Variants in DPP10 observed in about 807,000 individuals in gnomAD.
The protein encoded by DPP10 is dipeptidyl peptidase like 10.
A neutral mutation model predicts 120.9 loss-of-function variants in DPP10; 33 were observed. The ratio of observed to expected loss-of-function variants is 0.27; its 90% confidence interval spans 0.21 to 0.37. The LOEUF (loss-of-function observed/expected upper bound fraction) is 0.37. Ranked by LOEUF, DPP10 falls within the 10% of genes least tolerant of loss-of-function variation. The pLI is 1.00. For missense variants in DPP10, 816 were observed against 942.8 expected (o/e 0.87, Z 1.76); for synonymous variants, 337 against 326.1 (o/e 1.03, Z -0.36).
At chr2:115,178,122 G>T (rs1298782691) in intron 1 of DPP10, among the ~76,000 whole-genome samples, 2 of 151,984 alleles carry the variant, frequency 1.3e-5, no homozygotes, top group African/African-American at 4.8e-5. Flanking sequence ...TTTTCATGAT[G>T]AATTAGATAT....
chr2:114,496,257 G>A (rs531275212), intron 1 of DPP10, among the ~76,000 whole-genome samples: 28 of 152,102 alleles, frequency 1.8e-4, no homozygotes, highest in Non-Finnish European at 3.2e-4. Flanking sequence ...TTGGATGGAG[G>A]GGCTCTGTTT....
chr2:114,679,404 A>G (rs918764293), intron 1 of DPP10, among the ~76,000 whole-genome samples: 1 of 152,064 alleles, frequency 6.6e-6, no homozygotes. Context: ...ACTGGTATGC[A>G]TTAGGCCCCT....
chr2:115,142,879 C>T (rs2051005659), intron 1 of DPP10, among the ~76,000 whole-genome samples: 1 of 152,078 alleles, frequency 6.6e-6, no homozygotes, highest in Non-Finnish European at 1.5e-5. Flanking sequence ...TAAGAGAGGC[C>T]TATTACCCTT....
chr2:115,264,141 T>C (rs79946196), intron 1 of DPP10, among the ~76,000 whole-genome samples: 4,173 of 152,306 alleles, frequency 0.027, 193 homozygotes, highest in African/African-American at 0.094. Flanking sequence ...CTGTGACATA[T>C]TTTTTAGTAC....
chr2:115,491,862 T>G (rs2076143369), intron 3 of DPP10, among the ~76,000 whole-genome samples: 2 of 152,122 alleles, frequency 1.3e-5, no homozygotes, highest in Non-Finnish European at 2.9e-5. Flanking sequence ...GCCATAGACT[T>G]AAATTTCAAG....
intron 5 of DPP10, among the ~76,000 whole-genome samples, chr2:115,669,944 G>C (rs1216611058): frequency 6.6e-6 from 1 of 152,050 alleles, no homozygotes; most frequent in Non-Finnish European, 1.5e-5. Context: ...TTAGTCAATT[G>C]GGGGTGCTAT....
At chr2:115,105,569 G>C (rs568701794) in intron 1 of DPP10, among the ~76,000 whole-genome samples, 9 of 152,192 alleles carry the variant, frequency 5.9e-5, no homozygotes, top group South Asian at 2.1e-4. Context: ...AGTCTGCCCC[G>C]ATGACCCAGA....
chr2:115,587,172 A>G (rs1205817183), intron 5 of DPP10, among the ~76,000 whole-genome samples: 1 of 134,050 alleles, frequency 7.5e-6, no homozygotes, highest in Non-Finnish European at 1.5e-5. Context: ...ATCTTGGCTC[A>G]CTGCAAGCTC....
At position 115,042,300 on chromosome 2, in the gene DPP10, T is replaced by C. The variant is rs138592188; in HGVS notation, c.61-266939T>C. ...TATTTTTTTTTTGACAGGGCCTCAC[T>C]GTGTTGCCCAGGCTAGGGTGCAGTG... On this transcript the variant is annotated intron_variant, in intron 1 of 25. Transcript: ENST00000410059. Among the ~76,000 whole-genome samples, 580 of 152,250 alleles carry C rather than the reference T, an allele frequency of 3.8e-3. 4 individuals carry two copies. Among genetic ancestry groups the C allele is most frequent in the South Asian group, 0.027 (128 of 4,828 alleles).
intron 3 of DPP10, among the ~76,000 whole-genome samples, chr2:115,427,964 G>T (rs1426382269): frequency 6.6e-6 from 1 of 152,214 alleles, no homozygotes; most frequent in Admixed American, 6.6e-5. Context: ...ATGCTGCTTA[G>T]AAATTTCTTC....
intron 19 of DPP10, among the ~76,000 whole-genome samples, chr2:115,804,510 G>A (rs1231062101): frequency 1.3e-5 from 2 of 152,114 alleles, no homozygotes; most frequent in East Asian, 3.9e-4. Context: ...AGGCGCTCTG[G>A]TTTTTAGAGT....
At chr2:115,830,077 C>T (rs1458092309) in intron 21 of DPP10, among the ~76,000 whole-genome samples, 2 of 152,052 alleles carry the variant, frequency 1.3e-5, no homozygotes, top group African/African-American at 4.8e-5. Flanking sequence ...TAATCACAGC[C>T]GGGAGCAGTG....
chr2:115,368,507 C>T (rs2065209163), intron 3 of DPP10, among the ~76,000 whole-genome samples: 1 of 151,888 alleles, frequency 6.6e-6, no homozygotes, highest in Admixed American at 6.6e-5. Flanking sequence ...ATTATTTATT[C>T]CACATATTTG....
chr2:115,356,509 A>G (rs1307732781), intron 3 of DPP10, among the ~76,000 whole-genome samples: 1 of 152,082 alleles, frequency 6.6e-6, no homozygotes, highest in African/African-American at 2.4e-5. Flanking sequence ...AACAGACACA[A>G]TTTGACTTCC....
chr2:114,668,360 GAA>G (rs1444048070), intron 1 of DPP10, among the ~76,000 whole-genome samples: 1 of 152,164 alleles, frequency 6.6e-6, no homozygotes, highest in African/African-American at 2.4e-5. Context: ...AGCGCAGAAA[GAA>G]AGAGAGATCT....
At chr2:115,148,719 C>T (rs1024304221) in intron 1 of DPP10, among the ~76,000 whole-genome samples, 4 of 152,152 alleles carry the variant, frequency 2.6e-5, no homozygotes, top group Admixed American at 6.5e-5. Context: ...AAATGAAACA[C>T]AGATACAGCA....
intron 1 of DPP10, among the ~76,000 whole-genome samples, chr2:114,563,042 C>T (rs867851637): frequency 4.5e-4 from 69 of 152,164 alleles, no homozygotes; most frequent in African/African-American, 1.5e-3. Flanking sequence ...ATTAATATGA[C>T]TGTTTTTCAT....
At chr2:115,470,603 T>C (rs2074647695) in intron 3 of DPP10, among the ~76,000 whole-genome samples, 1 of 152,200 alleles carries the variant, frequency 6.6e-6, no homozygotes, top group African/African-American at 2.4e-5. Context: ...TTGTATGGAT[T>C]TGGGTTTTGA....
chr2:115,380,014 A>T (rs2066175252), intron 3 of DPP10, among the ~76,000 whole-genome samples: 1 of 152,158 alleles, frequency 6.6e-6, no homozygotes, highest in Non-Finnish European at 1.5e-5. Flanking sequence ...TGGTGCTGAA[A>T]AAATATATAT....
Sources: allele counts gnomAD v4.1 joint callset (sites outside exome capture counted in the v4.1 genomes callset), GRCh38; gene constraint gnomAD v4.1.1; transcripts MANE v1.5; gene names NCBI Gene and HGNC (gene_info 2026-07-23, HGNC 2026-07-21).